DPP10: variants seen among roughly 807,000 people sequenced by gnomAD.
DPP10 encodes the protein inactive dipeptidyl peptidase 10.
In DPP10, 33 loss-of-function variants were observed where a neutral mutation model predicts 120.9. That is an observed-to-expected ratio of 0.27 (90% CI 0.21 to 0.37). The LOEUF is 0.37. Ranked by LOEUF, DPP10 falls within the 10% of genes least tolerant of loss-of-function variation. The pLI is 1.00. For synonymous variants in DPP10, 337 were observed against 326.1 expected (o/e 1.03, Z -0.36); for missense variants, 816 against 942.8 (o/e 0.87, Z 1.76).
intron 1 of DPP10, among the ~76,000 whole-genome samples, chr2:115,111,073 G>A (rs901753877): frequency 2.2e-4 from 33 of 152,058 alleles, no homozygotes; most frequent in African/African-American, 6.8e-4. Context: ...AGAAGGAAAC[G>A]CAATCCTATG....
rs566066006 is a variant in DPP10 at position 114,729,796 on chromosome 2, T to C, written c.60+286958T>C. 9.8e-5 allele frequency among the ~76,000 whole-genome samples: 15 copies of C among 152,378 alleles called. 2 individuals carry two copies. In the South Asian group the frequency reaches 3.1e-3, roughly 32 times the overall value. On this transcript the variant is annotated intron_variant, in intron 1 of 25. Transcript: ENST00000410059. ...CAAACAATATCTTGCTATGGATATG[T>C]GGACTAACTTCGTGGTCCTATTTAT...
chr2:115,685,178 T>C (rs2090916252), intron 5 of DPP10, among the ~76,000 whole-genome samples: 1 of 151,878 alleles, frequency 6.6e-6, no homozygotes, highest in South Asian at 2.1e-4. Context: ...TGTTAAGTAA[T>C]ATAATATATG....
At chr2:114,681,790 C>CA (rs1421186173) in intron 1 of DPP10, among the ~76,000 whole-genome samples, 1 of 151,928 alleles carries the variant, frequency 6.6e-6, no homozygotes, top group Non-Finnish European at 1.5e-5. Flanking sequence ...CTTTGTCATC[C>CA]AACATTGTTA....
chr2:115,024,970 T>C (rs989810129), intron 1 of DPP10, among the ~76,000 whole-genome samples: 4 of 151,420 alleles, frequency 2.6e-5, no homozygotes, highest in African/African-American at 9.7e-5. Context: ...ATTATAAATC[T>C]TTATAATTTG....
intron 3 of DPP10, among the ~76,000 whole-genome samples, chr2:115,499,131 C>G (rs1039821101): frequency 1.3e-5 from 2 of 152,038 alleles, no homozygotes; most frequent in African/African-American, 4.8e-5. Flanking sequence ...AGTCAACTGG[C>G]AGCACTTTTA....
chr2:114,647,609 T>A (rs888270567), intron 1 of DPP10, among the ~76,000 whole-genome samples: 1 of 152,020 alleles, frequency 6.6e-6, no homozygotes, highest in Non-Finnish European at 1.5e-5. Flanking sequence ...AACCACTTAA[T>A]TTCCTGGACA....
intron 1 of DPP10, among the ~76,000 whole-genome samples, chr2:114,720,397 G>C (rs947454391): frequency 6.6e-6 from 1 of 152,098 alleles, no homozygotes; most frequent in Non-Finnish European, 1.5e-5. Context: ...ATAGTTTACT[G>C]CCACGGTTGA....
chr2:115,260,048 A>G (rs1372710199), intron 1 of DPP10, among the ~76,000 whole-genome samples: 1 of 151,302 alleles, frequency 6.6e-6, no homozygotes. Context: ...AATTTATACA[A>G]TTCATTCACG....
intron 1 of DPP10, among the ~76,000 whole-genome samples, chr2:115,247,956 T>A (rs1186839556): frequency 6.6e-6 from 1 of 152,142 alleles, no homozygotes; most frequent in Non-Finnish European, 1.5e-5. Context: ...AGGGAGAGCA[T>A]AACATGGTAA....
chr2:114,585,808 G>A (rs1221562729), intron 1 of DPP10, among the ~76,000 whole-genome samples: 4 of 152,142 alleles, frequency 2.6e-5, no homozygotes, highest in African/African-American at 7.2e-5. Context: ...ATTTTTGGAC[G>A]GAGTATGACA....
chr2:115,811,580 C>A (rs1048873617), intron 19 of DPP10, among the ~76,000 whole-genome samples: 2 of 152,158 alleles, frequency 1.3e-5, no homozygotes, highest in Non-Finnish European at 2.9e-5. Context: ...TCGCTGTGAA[C>A]AAGGCAATGT....
intron 1 of DPP10, among the ~76,000 whole-genome samples, chr2:114,974,740 G>C (rs773923160): frequency 1.3e-5 from 2 of 151,780 alleles, no homozygotes; most frequent in Non-Finnish European, 1.5e-5. Context: ...AGAAGGTAGT[G>C]GTCTATACAC....
rs1008686383 is a variant in DPP10, at chr2:115,500,111, G to A, written c.366+507G>A. Among the ~76,000 whole-genome samples, 8 of 151,860 alleles carry A rather than the reference G, an allele frequency of 5.3e-5. No individual in the cohort carries two copies. The South Asian group carries it at 6.2e-4, about 12-fold the overall frequency. ...TTTACTTATTTTGTATCACTGTTTC[G>A]CCAACATGGTTTAAATTATTGTTTG... On this transcript the variant is annotated intron_variant, in intron 4 of 25. Transcript: ENST00000410059.
At chr2:115,764,123 A>G (rs992901283) in intron 12 of DPP10, among the ~76,000 whole-genome samples, 2 of 150,408 alleles carry the variant, frequency 1.3e-5, no homozygotes, top group African/African-American at 4.8e-5. Flanking sequence ...AATTATTGCT[A>G]TGATTTTTTT....
intron 5 of DPP10, among the ~76,000 whole-genome samples, chr2:115,660,254 C>T (rs746417166): frequency 6.6e-5 from 10 of 151,110 alleles, no homozygotes; most frequent in Non-Finnish European, 1.2e-4. Context: ...TCCTTTTTTT[C>T]CCCCTCTCTG....
intron 1 of DPP10, among the ~76,000 whole-genome samples, chr2:115,218,219 T>A (rs748821721): frequency 6.6e-6 from 1 of 152,194 alleles, no homozygotes; most frequent in Non-Finnish European, 1.5e-5. Flanking sequence ...AAATGCTTCT[T>A]TAATCCCCTT....
At chr2:114,602,945 G>A (rs1692488385) in intron 1 of DPP10, among the ~76,000 whole-genome samples, 1 of 152,036 alleles carries the variant, frequency 6.6e-6, no homozygotes, top group Non-Finnish European at 1.5e-5. Flanking sequence ...ACTTTCAACA[G>A]TAATCTGATG....
At chr2:115,330,203 T>C (rs1398918615) in intron 2 of DPP10, among the ~76,000 whole-genome samples, 2 of 152,204 alleles carry the variant, frequency 1.3e-5, no homozygotes, top group Non-Finnish European at 2.9e-5. Flanking sequence ...GATGAGCATT[T>C]TTTCATGTGT....
At chr2:114,914,250 C>T (rs191568796) in intron 1 of DPP10, among the ~76,000 whole-genome samples, 23 of 152,226 alleles carry the variant, frequency 1.5e-4, no homozygotes, top group Middle Eastern at 3.4e-3. Flanking sequence ...CCACAAGACA[C>T]GTAGTCATCG....
Sources: allele counts gnomAD v4.1 joint callset (sites outside exome capture counted in the v4.1 genomes callset), GRCh38; gene constraint gnomAD v4.1.1; transcripts MANE v1.5; gene names NCBI Gene and HGNC (gene_info 2026-07-23, HGNC 2026-07-21).